The following GRID1 variants were observed in gnomAD, a reference collection of about 807,000 sequenced individuals.
The protein encoded by GRID1 is glutamate ionotropic receptor delta type subunit 1, also known as glutamate receptor ionotropic, delta-1.
In GRID1, 28 loss-of-function variants were observed where a neutral mutation model predicts 98.0. The observed-to-expected ratio is 0.29, with a 90% CI of 0.21 to 0.39. The LOEUF (loss-of-function observed/expected upper bound fraction) is 0.39, where lower values mean the gene tolerates loss of function less well. Ranked by LOEUF, GRID1 falls within the 10% of genes least tolerant of loss-of-function variation. The probability of loss-of-function intolerance (pLI) is 1.00; values close to 1 mark genes in which losing one functional copy is unlikely to be tolerated. For missense variants in GRID1, 1,111 were observed against 1,340.5 expected, an observed-to-expected ratio of 0.83 and a Z score of 2.67; for synonymous variants, 553 against 538.5, an observed-to-expected ratio of 1.03 and a Z score of -0.37.
chr10:85,705,286 A>T (rs1841502427), intron 12 of GRID1, among the ~76,000 whole-genome samples: 1 of 152,188 alleles, frequency 6.6e-6, no homozygotes, highest in South Asian at 2.1e-4. Flanking sequence ...GATAAAGGGG[A>T]TATCACAGAA....
chr10:86,045,451 G>C (rs1052123525), intron 4 of GRID1, among the ~76,000 whole-genome samples: 3 of 152,198 alleles, frequency 2.0e-5, no homozygotes, highest in Admixed American at 1.3e-4. Flanking sequence ...AAGCGAGACT[G>C]CGATTTTCCT....
chr10:86,245,059 T>C (rs1408024038), intron 2 of GRID1, among the ~76,000 whole-genome samples: 1 of 152,212 alleles, frequency 6.6e-6, no homozygotes, highest in Non-Finnish European at 1.5e-5. Flanking sequence ...GTTTTCATTT[T>C]TTCCTTTCTC....
intron 5 of GRID1, among the ~76,000 whole-genome samples, chr10:85,882,555 A>C (rs1841048235): frequency 6.6e-6 from 1 of 152,188 alleles, no homozygotes; most frequent in African/African-American, 2.4e-5. Context: ...TCTCACTCAT[A>C]GATGGGAATT....
chr10:86,305,991 T>C (rs1023034413), intron 2 of GRID1, among the ~76,000 whole-genome samples: 2 of 152,076 alleles, frequency 1.3e-5, no homozygotes, highest in African/African-American at 4.8e-5. Context: ...CACCATAACT[T>C]GGGGGTGATC....
At chr10:85,803,748 A>C (rs1225025557) in intron 8 of GRID1, among the ~76,000 whole-genome samples, 1 of 152,040 alleles carries the variant, frequency 6.6e-6, no homozygotes, top group Non-Finnish European at 1.5e-5. Context: ...GGGTTACATC[A>C]GATGTTTTGA....
chr10:86,012,481 G>T (rs1341567056), intron 4 of GRID1, among the ~76,000 whole-genome samples: 1 of 152,176 alleles, frequency 6.6e-6, no homozygotes, highest in East Asian at 1.9e-4. Context: ...AAGGCAGGAA[G>T]ACCTCAACTC....
intron 12 of GRID1, among the ~76,000 whole-genome samples, chr10:85,695,913 G>T (rs998280620): frequency 6.6e-6 from 1 of 152,100 alleles, no homozygotes; most frequent in Non-Finnish European, 1.5e-5. Flanking sequence ...TATGGACACA[G>T]CTCAGGGATG....
At chr10:85,642,588 A>G (rs1027595713) in intron 13 of GRID1, among the ~76,000 whole-genome samples, 2 of 152,198 alleles carry the variant, frequency 1.3e-5, no homozygotes, top group Non-Finnish European at 2.9e-5. Context: ...TCCTGTATTT[A>G]TTGAGACTTA....
chr10:85,785,683 TG>T (rs1842421456), intron 8 of GRID1, among the ~76,000 whole-genome samples: 1 of 152,134 alleles, frequency 6.6e-6, no homozygotes, highest in African/African-American at 2.4e-5. Context: ...GCAGCCTCAT[TG>T]GACTTCATGG....
At chr10:86,277,183 A>G (rs1847284364) in intron 2 of GRID1, among the ~76,000 whole-genome samples, 1 of 152,240 alleles carries the variant, frequency 6.6e-6, no homozygotes, top group Non-Finnish European at 1.5e-5. Context: ...AAGGCCACTG[A>G]ACAATACACT....
chr10:86,078,317 T>A (rs1564667968), intron 4 of GRID1, among the ~76,000 whole-genome samples: 1 of 152,286 alleles, frequency 6.6e-6, no homozygotes, highest in African/African-American at 2.4e-5. Context: ...TTTTGCCTCC[T>A]TCCAGTTTCC....
At chr10:85,743,079 A>T (rs1293655273) in intron 8 of GRID1, among the ~76,000 whole-genome samples, 1 of 138,646 alleles carries the variant, frequency 7.2e-6, no homozygotes, top group Non-Finnish European at 1.6e-5. Context: ...ACATTGCCAA[A>T]AACCCTTGGA....
chr10:85,606,788 T>C (rs1842672209), intron 15 of GRID1: 1 of 152,220 alleles, frequency 6.6e-6, no homozygotes, highest in Admixed American at 6.5e-5. Context: ...AGGAGTGATT[T>C]GAATAATTAT....
At chr10:85,746,901 G>T (rs1375031575) in intron 8 of GRID1, among the ~76,000 whole-genome samples, 1 of 152,176 alleles carries the variant, frequency 6.6e-6, no homozygotes, top group Non-Finnish European at 1.5e-5. Context: ...AATAATAACA[G>T]TTTCTCATGC....
intron 3 of GRID1, among the ~76,000 whole-genome samples, chr10:86,155,885 A>G (rs1347633033): frequency 2.6e-5 from 4 of 152,130 alleles, no homozygotes; most frequent in Non-Finnish European, 4.4e-5. Context: ...GGAGGATGGG[A>G]AGGCAGGGAA....
At chr10:86,198,331 C>T (rs952650932) in intron 3 of GRID1, among the ~76,000 whole-genome samples, 3 of 152,010 alleles carry the variant, frequency 2.0e-5, no homozygotes, top group Non-Finnish European at 4.4e-5. Context: ...AGAGCTGACC[C>T]CCAAGCTCTC....
chr10:85,911,097 C>T (rs377124972), intron 5 of GRID1, among the ~76,000 whole-genome samples: 1 of 152,304 alleles, frequency 6.6e-6, no homozygotes, highest in East Asian at 1.9e-4. Flanking sequence ...CAGGGTCATC[C>T]TGCAGAGGGC....
chr10:86,103,554 G>A (rs561319735), intron 4 of GRID1, among the ~76,000 whole-genome samples: 1 of 152,346 alleles, frequency 6.6e-6, no homozygotes, highest in South Asian at 2.1e-4. Flanking sequence ...AGCCCATGTG[G>A]ACAAGCAGTG....
At chr10:86,021,140 A>G (rs1843043372) in intron 4 of GRID1, among the ~76,000 whole-genome samples, 1 of 152,134 alleles carries the variant, frequency 6.6e-6, no homozygotes, top group South Asian at 2.1e-4. Context: ...GCTTGGGAGG[A>G]ATCCACTTGC....
Sources: allele counts gnomAD v4.1 joint callset (sites outside exome capture counted in the v4.1 genomes callset), GRCh38; gene constraint gnomAD v4.1.1; transcripts MANE v1.5; gene names NCBI Gene and HGNC (gene_info 2026-07-23, HGNC 2026-07-21).